IL18RAP: variants seen among roughly 807,000 people sequenced by gnomAD.
The protein encoded by IL18RAP is interleukin-18 receptor accessory protein.
A neutral mutation model predicts 58.1 loss-of-function variants in IL18RAP; 37 were observed. The ratio of observed to expected loss-of-function variants is 0.64; its 90% CI spans 0.49 to 0.84. The LOEUF (loss-of-function observed/expected upper bound fraction) is 0.84. Ranked by LOEUF, IL18RAP falls within the 40% of genes least tolerant of loss-of-function variation. The pLI, the probability that IL18RAP is intolerant of heterozygous loss-of-function variation, is 0.00. For synonymous variants in IL18RAP, 268 were observed against 257.5 expected, an observed-to-expected ratio of 1.04 and a Z score of -0.39; for missense variants, 667 against 704.8, an observed-to-expected ratio of 0.95 and a Z score of 0.61.
intron 4 of IL18RAP, among the ~76,000 whole-genome samples, chr2:102,438,368 C>T (rs1558641896): frequency 6.6e-6 from 1 of 152,244 alleles, no homozygotes; most frequent in Non-Finnish European, 1.5e-5. Context: ...ACAAACCACA[C>T]AGAGCACCCC....
rs1240701461 is a variant in IL18RAP, at chr2:102,443,403, G to A, written c.920+80G>A. ...CCTTTAGAAATGCCTAAAGTATACA[G>A]TTGATGGTGTAGCCACCAGCACCGA... On this transcript the variant is annotated intron_variant, in intron 6 of 9. Transcript: ENST00000687160. The A allele has an allele frequency of 2.0e-6, 3 of 1,496,844 alleles. No homozygotes were observed. The African/African-American group carries it at 4.2e-5, about 21-fold the overall frequency. 92.7% of individuals were successfully genotyped at this position (1,496,844 alleles called of 1,614,324 possible). A position where few individuals can be genotyped will look rare whatever the true frequency, so the allele number is the denominator to read the frequency against.
chr2:102,424,198 A>G (rs1421562875), intron 2 of IL18RAP, 33 bp from the exon 3 acceptor site: 3 of 1,610,434 alleles, frequency 1.9e-6, no homozygotes, highest in East Asian at 2.2e-5. Flanking sequence ...TAGACAAAAT[A>G]TCTATGTTCA....
intron 7 of IL18RAP, among the ~76,000 whole-genome samples, chr2:102,446,398 G>A (rs1302016396): frequency 1.3e-5 from 2 of 151,888 alleles, no homozygotes; most frequent in Non-Finnish European, 2.9e-5. Flanking sequence ...TGGCATACCC[G>A]TCACCCGAGC....
At chr2:102,441,061 A>G (rs1175932402) in intron 4 of IL18RAP, among the ~76,000 whole-genome samples, 1 of 152,170 alleles carries the variant, frequency 6.6e-6, no homozygotes, top group East Asian at 1.9e-4. Flanking sequence ...TGTGAAAGAG[A>G]ATGCACACAA....
At chr2:102,422,461 G>T (rs147743668), upstream of IL18RAP, among the ~76,000 whole-genome samples, 13 of 152,298 alleles carry the variant, frequency 8.5e-5, no homozygotes, top group African/African-American at 1.9e-4. Context: ...CCCTCCAGCT[G>T]CTGAAACTGA....
At chr2:102,424,973 G>A (rs1681843313) in intron 3 of IL18RAP, among the ~76,000 whole-genome samples, 1 of 152,150 alleles carries the variant, frequency 6.6e-6, no homozygotes, top group Admixed American at 6.6e-5. Flanking sequence ...ATGACTTTTA[G>A]CTATGAACCA....
At chr2:102,423,776 G>T (rs746383375) in intron 1 of IL18RAP, 35 bp from the exon 2 acceptor site, 6 of 1,336,518 alleles carry the variant, frequency 4.5e-6, no homozygotes, top group Non-Finnish European at 5.1e-6. Flanking sequence ...ATTTTCTAAT[G>T]TGTTTCCATG....
chr2:102,442,330 A>C (rs927456199), intron 5 of IL18RAP, among the ~76,000 whole-genome samples: 2 of 151,820 alleles, frequency 1.3e-5, no homozygotes, highest in African/African-American at 4.8e-5. Flanking sequence ...TACTTTCTAA[A>C]ATGCTACTAA....
chr2:102,446,974 G>T, intron 7 of IL18RAP, 96 bp from the exon 8 acceptor site: 1 of 1,281,802 alleles, frequency 7.8e-7, no homozygotes, highest in Non-Finnish European at 1.1e-6. Context: ...AATAGAGCTG[G>T]AAAAGGTGCT....
At chr2:102,419,218 C>T (rs1003588528), upstream of IL18RAP, among the ~76,000 whole-genome samples, 1 of 152,108 alleles carries the variant, frequency 6.6e-6, no homozygotes, top group Non-Finnish European at 1.5e-5. Flanking sequence ...AGATATTTGC[C>T]AAATTTGAAT....
chr2:102,451,664 C>T, intron 9 of IL18RAP, 102 bp from the exon 10 acceptor site: 1 of 947,020 alleles, frequency 1.1e-6, no homozygotes, highest in Non-Finnish European at 1.6e-6. Flanking sequence ...GTAGAGTAAA[C>T]ATGTCTCCCT....
rs1400846809 is a variant in IL18RAP at position 102,450,874 on chromosome 2, T to C, written c.1237T>C (p.Ser413Pro). 1.1e-5 allele frequency: 18 copies of C among 1,604,540 alleles called. No individual in the cohort carries two copies. Among genetic ancestry groups the C allele is most frequent in the Non-Finnish European group, 1.3e-5 (15 of 1,177,066 alleles). ...GDKKDFDAFV[S>P]YAKWSSFPSE... ...TAAAAAGGATTTTGATGCTTTCGTA[T>C]CCTATGCAAAATGGAGCTCTTTTCC... The change falls in exon 9 of 10, where the codon TCC (serine) becomes CCC (proline). Residue 413 changes from serine to proline, a missense_variant. By Grantham distance (74) the Ser-to-Pro change is moderately conservative (BLOSUM62 -1). Coordinates refer to ENST00000687160, the MANE Select transcript of IL18RAP (RefSeq NM_001393487.1).
upstream of IL18RAP, among the ~76,000 whole-genome samples, chr2:102,422,413 A>G (rs1215245601): frequency 6.6e-6 from 1 of 152,204 alleles, no homozygotes; most frequent in Non-Finnish European, 1.5e-5. Context: ...TTATGGGGCA[A>G]CAGAAACAAT....
chr2:102,445,218 T>C lies in IL18RAP; in HGVS notation c.950T>C (p.Ile317Thr), dbSNP rs1462556206. ...AAATCCACTTTAAAGGATGAAATCA[T>C]TGAGCGTAATATCATCTTGGAAAAA... ...SIKSTLKDEI[I>T]ERNIILEKVT... is the part of the protein sequence containing the mutation. The change falls in exon 7 of 10, where the codon ATT (isoleucine) becomes ACT (threonine). Residue 317 changes from isoleucine to threonine, a missense_variant. Transcript: ENST00000687160. 2 of 1,613,914 alleles carry C rather than the reference T, an allele frequency of 1.2e-6. No homozygotes were observed. The highest frequency in any genetic ancestry group is 1.7e-5 in the Admixed American group (1 of 59,994).
At chr2:102,449,122 G>A (rs6752804) in intron 8 of IL18RAP, among the ~76,000 whole-genome samples, 10,526 of 151,904 alleles carry the variant, frequency 0.069, 474 homozygotes, top group Non-Finnish European at 0.089. Context: ...ACAAAATGTA[G>A]CCAGGCTTGG....
chr2:102,443,318 GA>G lies in IL18RAP; in HGVS notation c.919del (p.Ser307ValfsTer6), dbSNP rs747791236. The G allele has an allele frequency of 1.9e-6, 3 of 1,610,940 alleles. No homozygotes were observed. The highest frequency in any genetic ancestry group is 2.2e-5 in the East Asian group (1 of 44,836). On this transcript the variant is annotated frameshift_variant, in exon 6 of 10. Coordinates refer to ENST00000687160, the MANE Select transcript of IL18RAP (RefSeq NM_001393487.1). LOFTEE classifies it high-confidence loss of function. ...AGTGGGAAGTCTCAGTACCTGAGGC[GA>G]AAAGGTAAGAAAAAAACTCACGGAT... ...LEWEVSVPEA[K>X]SIKSTLKDEI...
chr2:102,449,448 T>A (rs6543137), intron 8 of IL18RAP, among the ~76,000 whole-genome samples: 2 of 152,174 alleles, frequency 1.3e-5, no homozygotes, highest in Non-Finnish European at 2.9e-5. Flanking sequence ...TGGAGCTGGC[T>A]TAGAAGAGTC....
intron 5 of IL18RAP, among the ~76,000 whole-genome samples, chr2:102,442,187 T>A (rs1683145452): frequency 6.6e-6 from 1 of 152,182 alleles, no homozygotes; most frequent in South Asian, 2.1e-4. Flanking sequence ...GAAATTGACT[T>A]CCCTGTGGGT....
At chr2:102,447,646 G>A (rs1207059688) in intron 8 of IL18RAP, among the ~76,000 whole-genome samples, 2 of 152,012 alleles carry the variant, frequency 1.3e-5, no homozygotes, top group African/African-American at 2.4e-5. Flanking sequence ...AGCACCAATT[G>A]CAAAGGATGC....
Sources: allele counts gnomAD v4.1 joint callset (sites outside exome capture counted in the v4.1 genomes callset), GRCh38; gene constraint gnomAD v4.1.1; transcripts MANE v1.5; gene names NCBI Gene and HGNC (gene_info 2026-07-23, HGNC 2026-07-21).